Variants in SYN3 observed in about 807,000 individuals in gnomAD.
SYN3 encodes synapsin-3.
In SYN3, 35 loss-of-function variants were observed where a neutral mutation model predicts 65.8. That is an observed-to-expected ratio of 0.53 (90% CI 0.41 to 0.70). SYN3 has a LOEUF of 0.70. Among genes scored for constraint, SYN3 ranks in the 30% least tolerant of loss-of-function variants. The pLI is 0.00. For missense variants in SYN3, 680 were observed against 749.0 expected, an observed-to-expected ratio of 0.91 and a Z score of 1.08; for synonymous variants, 270 against 292.9, an observed-to-expected ratio of 0.92 and a Z score of 0.80.
intron 6 of SYN3, among the ~76,000 whole-genome samples, chr22:32,711,676 C>A (rs1209651189): frequency 6.6e-6 from 1 of 152,196 alleles, no homozygotes; most frequent in Non-Finnish European, 1.5e-5. Context: ...GAAGAAATCT[C>A]AATTCCTTGC....
At chr22:32,962,922 T>G (rs942310082) in intron 3 of SYN3, among the ~76,000 whole-genome samples, 2 of 151,258 alleles carry the variant, frequency 1.3e-5, no homozygotes, top group African/African-American at 2.4e-5. Flanking sequence ...TCTATCAATA[T>G]AGATAATAAT....
chr22:32,814,181 AAAAGAAAG>A (rs148074968), intron 6 of SYN3, among the ~76,000 whole-genome samples: 86 of 109,804 alleles, frequency 7.8e-4, no homozygotes, highest in East Asian at 2.4e-3. Context: ...AGAAAGAAAG[AAAAGAAAG>A]AAAGAAAGAA....
chr22:33,042,601 G>A (rs1187286669), intron 1 of SYN3, among the ~76,000 whole-genome samples: 1 of 152,140 alleles, frequency 6.6e-6, no homozygotes, highest in Admixed American at 6.5e-5. Context: ...GTCTCACATA[G>A]AACAACCACT....
chr22:32,837,837 C>T lies in SYN3; in HGVS notation c.711+27078G>A, dbSNP rs961525415. On this transcript the variant is annotated intron_variant, in intron 6 of 13. Coordinates refer to ENST00000358763, the MANE Select transcript of SYN3 (RefSeq NM_003490.4). This position sits in a 1 kb window ranked among gnomAD's most constrained non-coding sequence, Gnocchi z 4.1. ...CAACCTACCAAGCTGGGAGTTACCG[C>T]CCACTGCAAGGCACCCCTGTACTTT... Among the ~76,000 whole-genome samples, 1 of 152,188 alleles carries T rather than the reference C, an allele frequency of 6.6e-6. No homozygotes were observed. Among genetic ancestry groups the T allele is most frequent in the African/African-American group, 2.4e-5 (1 of 41,452 alleles).
intron 6 of SYN3, among the ~76,000 whole-genome samples, chr22:32,598,186 G>A (rs1472997636): frequency 6.6e-6 from 1 of 152,158 alleles, no homozygotes; most frequent in East Asian, 1.9e-4. Context: ...AAGGAACGCA[G>A]CCTTGCCCTC....
rs571196677 is a variant in SYN3, at chr22:32,627,820, GTTTGTT to G, written c.712-31090_712-31085del. Among the ~76,000 whole-genome samples, 411 of 149,842 alleles carry G rather than the reference GTTTGTT, an allele frequency of 2.7e-3. 5 individuals carry two copies. Among genetic ancestry groups the G allele is most frequent in the African/African-American group, 9.8e-3 (392 of 39,822 alleles). On this transcript the variant is annotated intron_variant, in intron 6 of 13. Transcript: ENST00000358763. ...ACAAACACAGAGGAGCATTTTTTTTGTTTGTTTTTGTTTTTGTTTTTGTTTTGAGAC... is the reference window on the plus strand; with the variant it reads ...ACAAACACAGAGGAGCATTTTTTTTGTTTGTTTTTGTTTTTGTTTTGAGAC...
At chr22:32,550,228 T>C (rs963946411) in intron 7 of SYN3, among the ~76,000 whole-genome samples, 6 of 152,176 alleles carry the variant, frequency 3.9e-5, no homozygotes, top group African/African-American at 1.2e-4. Flanking sequence ...CTTAGATGAA[T>C]AAATTCTTAC....
chr22:32,604,563 A>G (rs2059337934), intron 6 of SYN3, among the ~76,000 whole-genome samples: 1 of 112,564 alleles, frequency 8.9e-6, no homozygotes, highest in South Asian at 2.8e-4. Flanking sequence ...ACTCTTTTCT[A>G]GGCCAGTCCC....
Position 32,527,627 on chromosome 22 carries a change from G to A in SYN3, c.1318+291C>T, listed in dbSNP as rs1331754888. 2.1e-5 allele frequency: 6 copies of A among 285,382 alleles called. No individual in the cohort carries two copies. The East Asian group carries it at 3.5e-4, about 17-fold the overall frequency. 17.7% of individuals were successfully genotyped at this position (285,382 alleles called of 1,614,324 possible). A position where few individuals can be genotyped will look rare whatever the true frequency, so the allele number is the denominator to read the frequency against. The stretch of plus-strand genomic sequence containing the variant: ...AGAAAAAAAAAAAAAAGGAAATAAT[G>A]ACATTTTCACTGCAGGACGGCTGGG... On this transcript the variant is annotated intron_variant, in intron 12 of 13. Coordinates refer to ENST00000358763, the MANE Select transcript of SYN3 (RefSeq NM_003490.4).
rs1472886229 is a variant in SYN3, at chr22:32,679,052, T to C, written c.712-82316A>G. The stretch of plus-strand genomic sequence containing the variant: ...TTCTTTTTTCTTTGTTTCTTTCTTT[T>C]TTTTTTTTTTTTTTTTTTGAGATGG... On this transcript the variant is annotated intron_variant, in intron 6 of 13. Transcript: ENST00000358763. Among the ~76,000 whole-genome samples the C allele has an allele frequency of 5.0e-4, 67 of 135,122 alleles. No homozygotes were observed. In the South Asian group the frequency reaches 9.9e-3, roughly 20 times the overall value. 88.6% of individuals were successfully genotyped at this position (135,122 alleles called of 152,430 possible).
At chr22:32,740,356 AAAATG>A (rs975566044) in intron 6 of SYN3, among the ~76,000 whole-genome samples, 2 of 152,234 alleles carry the variant, frequency 1.3e-5, no homozygotes, top group African/African-American at 4.8e-5. Context: ...TTACAGCACA[AAAATG>A]AGAGGTGCTG....
At chr22:33,021,788 T>TA (rs1201224844) in intron 1 of SYN3, among the ~76,000 whole-genome samples, 1 of 44,128 alleles carries the variant, frequency 2.3e-5, no homozygotes, top group South Asian at 6.1e-4. Flanking sequence ...TAACTTATTT[T>TA]TTTTTTTTTT....
In SYN3 at chr22:33,052,246, C is replaced by A. The variant is rs1601968732; in HGVS notation, c.-163+6046G>T. 2.0e-5 allele frequency among the ~76,000 whole-genome samples: 3 copies of A among 152,314 alleles called. No homozygotes were observed. The East Asian group carries it at 5.8e-4, about 29-fold the overall frequency. On this transcript the variant is annotated intron_variant, in intron 1 of 13. Coordinates refer to ENST00000358763, the MANE Select transcript of SYN3 (RefSeq NM_003490.4). ...TCACCTCCTGGTTCTAAGGATTCTG[C>A]CAGGTTGAACAATGCTCAGAAGCAG...
chr22:32,991,526 C>G (rs1448673475), intron 2 of SYN3, among the ~76,000 whole-genome samples: 1 of 152,162 alleles, frequency 6.6e-6, no homozygotes, highest in Non-Finnish European at 1.5e-5. Flanking sequence ...TCACGCCCAA[C>G]ACAGTTCCCA....
At chr22:33,024,145 G>A (rs2053603099) in intron 1 of SYN3, among the ~76,000 whole-genome samples, 1 of 152,134 alleles carries the variant, frequency 6.6e-6, no homozygotes, top group Non-Finnish European at 1.5e-5. Flanking sequence ...TTGTTTCTCA[G>A]AACTCAACTC....
At chr22:32,813,048 C>T (rs896390389) in intron 6 of SYN3, among the ~76,000 whole-genome samples, 1 of 152,148 alleles carries the variant, frequency 6.6e-6, no homozygotes, top group Non-Finnish European at 1.5e-5. Context: ...CTCTTTTGGC[C>T]TGGATTTCCT....
chr22:32,986,233 A>T (rs1274592529), intron 2 of SYN3, among the ~76,000 whole-genome samples: 2 of 152,114 alleles, frequency 1.3e-5, no homozygotes, highest in East Asian at 1.9e-4. Context: ...CCATTGTAAT[A>T]CAGTCACAGG....
intron 3 of SYN3, among the ~76,000 whole-genome samples, chr22:32,953,627 G>A (rs563523882): frequency 1.1e-4 from 17 of 152,200 alleles, no homozygotes; most frequent in Admixed American, 4.6e-4. Flanking sequence ...GAAAATTGGC[G>A]TGCCTGGAAC....
At chr22:32,867,946 T>C (rs1327340062) in intron 5 of SYN3, among the ~76,000 whole-genome samples, 3 of 152,194 alleles carry the variant, frequency 2.0e-5, no homozygotes, top group Non-Finnish European at 4.4e-5. Context: ...ATAAATCAAA[T>C]GAATGACTGA....
Sources: gnomAD v4.1 joint callset for allele counts (sites outside exome capture counted in the v4.1 genomes callset) on GRCh38, gnomAD v4.1.1 for gene constraint, Gnocchi (gnomAD v3.1) non-coding constraint, MANE v1.5 for transcripts, NCBI Gene and HGNC (gene_info 2026-07-23, HGNC 2026-07-21) for gene names.